Variants in CSMD1 observed in about 807,000 individuals in gnomAD.
CSMD1 encodes the protein CUB and Sushi multiple domains 1.
Under a neutral mutation model 417.5 loss-of-function variants are expected in CSMD1, and 213 were observed. That is an observed-to-expected ratio of 0.51 (90% CI 0.46 to 0.57). The LOEUF is 0.57. CSMD1 is among the 20% of genes least tolerant of loss of function. CSMD1 has a pLI of 0.00. For missense variants in CSMD1, 6,923 were observed against 4,529.7 expected (o/e 1.53, Z -15.17); for synonymous variants, 2,862 against 1,736.8 (o/e 1.65, Z -16.11).
At chr8:4,853,039 T>C (rs981335479) in intron 1 of CSMD1, among the ~76,000 whole-genome samples, 3 of 152,188 alleles carry the variant, frequency 2.0e-5, no homozygotes, top group Admixed American at 6.5e-5. Context: ...GGTACTTATA[T>C]TTAAAAGGGA....
chr8:3,284,076 G>A (rs1563223985), intron 26 of CSMD1, 68 bp downstream of exon 26: 1 of 1,232,346 alleles, frequency 8.1e-7, no homozygotes. Flanking sequence ...AATATAAATG[G>A]AGGGAGATCT....
intron 37 of CSMD1, among the ~76,000 whole-genome samples, chr8:3,177,436 G>A (rs1294561030): frequency 6.6e-6 from 1 of 152,156 alleles, no homozygotes; most frequent in Non-Finnish European, 1.5e-5. Flanking sequence ...CACTGCAGGG[G>A]TGCAGCAAAA....
chr8:4,333,709 A>G (rs1259415440), intron 3 of CSMD1, among the ~76,000 whole-genome samples: 1 of 152,102 alleles, frequency 6.6e-6, no homozygotes, highest in East Asian at 1.9e-4. Flanking sequence ...AGAGTTGTAG[A>G]AAGGACTGCT....
At chr8:4,930,698 T>C (rs1176306137) in intron 1 of CSMD1, among the ~76,000 whole-genome samples, 1 of 152,230 alleles carries the variant, frequency 6.6e-6, no homozygotes, top group Non-Finnish European at 1.5e-5. Context: ...AGGTCGTTTA[T>C]ATTGTGGATA....
chr8:3,327,450 T>C (rs997738911), intron 23 of CSMD1, among the ~76,000 whole-genome samples: 8 of 152,200 alleles, frequency 5.3e-5, no homozygotes, highest in African/African-American at 1.9e-4. Flanking sequence ...CTATCTTTTT[T>C]ATAGCACAGA....
intron 10 of CSMD1, among the ~76,000 whole-genome samples, chr8:3,501,860 A>AAATT (rs1196594822): frequency 6.6e-6 from 1 of 152,208 alleles, no homozygotes; most frequent in East Asian, 1.9e-4. Context: ...AAACAACTAA[A>AAATT]AATGTAATTA....
rs1027098737 is a variant in CSMD1 at position 4,009,402 on chromosome 8, A to G, written c.611-11292T>C. Among the ~76,000 whole-genome samples the G allele has an allele frequency of 3.9e-5, 6 of 152,346 alleles. No homozygotes were observed. The South Asian group carries it at 1.2e-3, about 32-fold the overall frequency. On this transcript the variant is annotated intron_variant, in intron 4 of 69. Coordinates refer to ENST00000635120, the MANE Select transcript of CSMD1 (RefSeq NM_033225.6). ...TTAGAAGCAAACTGCCATGTTTATC[A>G]TAAAGAAAAATTGAAATAATCTAAA...
At chr8:4,404,144 G>A (rs969998699) in intron 3 of CSMD1, among the ~76,000 whole-genome samples, 2 of 152,086 alleles carry the variant, frequency 1.3e-5, no homozygotes, top group Admixed American at 6.6e-5. Flanking sequence ...CTTTTTCTCA[G>A]CGTAGAGCTT....
chr8:4,030,232 G>C (rs1044165819), intron 4 of CSMD1, among the ~76,000 whole-genome samples: 2 of 152,140 alleles, frequency 1.3e-5, no homozygotes, highest in Non-Finnish European at 2.9e-5. Context: ...GACTCTGTGG[G>C]GGAGCTCTGA....
In CSMD1 at chr8:3,395,912, C is replaced by G. The variant is rs537058831; in HGVS notation, c.2593+282G>C. Reference sequence around the variant, plus strand: ...TTCTAATAATAGAAGTATATTATTACTTCCATTATTCTATGCAGAAGATGA... The same window carrying G: ...TTCTAATAATAGAAGTATATTATTAGTTCCATTATTCTATGCAGAAGATGA... On this transcript the variant is annotated intron_variant, in intron 17 of 69. Transcript: ENST00000635120. 6.6e-5 allele frequency among the ~76,000 whole-genome samples: 10 copies of G among 152,266 alleles called. No homozygotes were observed. The East Asian group carries it at 1.5e-3, about 24-fold the overall frequency.
At chr8:3,855,743 G>T (rs1248995101) in intron 5 of CSMD1, among the ~76,000 whole-genome samples, 1 of 152,172 alleles carries the variant, frequency 6.6e-6, no homozygotes, top group Non-Finnish European at 1.5e-5. Flanking sequence ...CATGGGTCAT[G>T]CGATGTGAAA....
At chr8:3,285,452 T>C (rs1803076560) in intron 25 of CSMD1, among the ~76,000 whole-genome samples, 1 of 151,862 alleles carries the variant, frequency 6.6e-6, no homozygotes, top group African/African-American at 2.4e-5. Context: ...AGTGTCATGA[T>C]CTTGGCTCAC....
intron 12 of CSMD1, among the ~76,000 whole-genome samples, chr8:3,461,479 T>G (rs1031445250): frequency 6.6e-6 from 1 of 152,170 alleles, no homozygotes; most frequent in African/African-American, 2.4e-5. Flanking sequence ...CAGGAGTAGC[T>G]GTCTCACCTC....
chr8:4,419,383 A>G (rs1466003945), intron 3 of CSMD1, among the ~76,000 whole-genome samples: 1 of 152,232 alleles, frequency 6.6e-6, no homozygotes, highest in Non-Finnish European at 1.5e-5. Context: ...GCATTTAAAA[A>G]AAATTTCTGC....
At chr8:3,537,303 C>T (rs113169744) in intron 10 of CSMD1, among the ~76,000 whole-genome samples, 11 of 152,154 alleles carry the variant, frequency 7.2e-5, no homozygotes, top group African/African-American at 1.9e-4. Context: ...ATGCCCGGCC[C>T]GCAAACTCTT....
intron 41 of CSMD1, chr8:3,128,714 T>A: frequency 2.8e-6 from 1 of 363,204 alleles, no homozygotes; most frequent in South Asian, 2.2e-5. Context: ...CTCAAATTCA[T>A]GTTCTCATTT....
chr8:4,887,368 C>T (rs1416133267), intron 1 of CSMD1, among the ~76,000 whole-genome samples: 1 of 151,922 alleles, frequency 6.6e-6, no homozygotes, highest in Non-Finnish European at 1.5e-5. Context: ...TGTATTAAGG[C>T]TTATTTTATG....
chr8:4,630,172 T>A (rs1185979116), intron 2 of CSMD1, among the ~76,000 whole-genome samples: 1 of 152,098 alleles, frequency 6.6e-6, no homozygotes, highest in Non-Finnish European at 1.5e-5. Context: ...CAAACATAAT[T>A]ATTATCTCTC....
chr8:3,861,093 G>T (rs1157799731), intron 5 of CSMD1, among the ~76,000 whole-genome samples: 1 of 152,096 alleles, frequency 6.6e-6, no homozygotes, highest in Non-Finnish European at 1.5e-5. Context: ...CCAACTTCTA[G>T]TGAGCTCGAA....
Sources: allele counts gnomAD v4.1 joint callset (sites outside exome capture counted in the v4.1 genomes callset), GRCh38; gene constraint gnomAD v4.1.1; transcripts MANE v1.5; gene names NCBI Gene and HGNC (gene_info 2026-07-23, HGNC 2026-07-21).